PPWD1: variants seen among roughly 807,000 people sequenced by gnomAD.
PPWD1 encodes the protein peptidylprolyl isomerase domain and WD repeat containing 1.
PPWD1 carries 43 observed loss-of-function variants against 68.8 expected under a neutral mutation model. The ratio of observed to expected loss-of-function variants is 0.62; its 90% CI spans 0.49 to 0.81. The LOEUF (loss-of-function observed/expected upper bound fraction) is 0.81, where lower values mean the gene tolerates loss of function less well. Ranked by LOEUF, PPWD1 falls within the 30% of genes least tolerant of loss-of-function variation. The pLI is 0.00. For synonymous variants in PPWD1, 232 were observed against 258.7 expected (o/e 0.90, Z 0.99); for missense variants, 672 against 804.8 (o/e 0.83, Z 2.00).
chr5:65,573,521 T>TG (rs1426164597), intron 5 of PPWD1, among the ~76,000 whole-genome samples: 1 of 33,208 alleles, frequency 3.0e-5, no homozygotes, highest in African/African-American at 1.6e-4. Flanking sequence ...AGATGGTTTT[T>TG]TTTTTTTTTT....
intron 5 of PPWD1, among the ~76,000 whole-genome samples, chr5:65,574,762 C>T (rs528241205): frequency 1.3e-5 from 2 of 152,322 alleles, no homozygotes; most frequent in South Asian, 4.1e-4. Context: ...CGCGCCCGGC[C>T]GGCACAAATC....
At chr5:65,571,697 T>C (rs1483616452) in intron 4 of PPWD1, 142 bp from the exon 5 acceptor site, 1 of 1,356,054 alleles carries the variant, frequency 7.4e-7, no homozygotes, top group Non-Finnish European at 9.8e-7. Flanking sequence ...TTCCTCCCCA[T>C]TCTGTGTCTC....
chr5:65,565,603 A>C (rs1752712173), intron 1 of PPWD1, among the ~76,000 whole-genome samples: 1 of 151,966 alleles, frequency 6.6e-6, no homozygotes, highest in Non-Finnish European at 1.5e-5. Context: ...GGAGTTCTAG[A>C]CCAGCCTGAC....
At chr5:65,573,019 G>A (rs955210390) in intron 5 of PPWD1, among the ~76,000 whole-genome samples, 1 of 152,052 alleles carries the variant, frequency 6.6e-6, no homozygotes, top group African/African-American at 2.4e-5. Flanking sequence ...CTGTTCTTGG[G>A]ATCAAGACCA....
In PPWD1 at chr5:65,587,350, A is replaced by G; in HGVS notation, c.1895A>G (p.Asp632Gly). ...ISNVKVNPKT[D>G]KPYEDVSIIN... ...AACGTCAAAGTCAATCCCAAAACAGATAAGCCCTATGAGGATGTCAGCATC... is the reference window on the plus strand; with the variant it reads ...AACGTCAAAGTCAATCCCAAAACAGGTAAGCCCTATGAGGATGTCAGCATC... Residue 632 changes from aspartate (D) to glycine (G), a missense_variant, in exon 11 of 11, where the codon GAT (aspartate) becomes GGT (glycine). By Grantham distance (94) the Asp-to-Gly change is moderately conservative (BLOSUM62 -1). Around this residue, in one of 2 missense-constraint regions of PPWD1, gnomAD observed 484 missense variants for 646.2 expected, o/e 0.75. Transcript: ENST00000261308. 10 of 1,612,758 alleles carry G rather than the reference A, an allele frequency of 6.2e-6. No individual in the cohort carries two copies. Among genetic ancestry groups the G allele is most frequent in the Non-Finnish European group, 8.5e-6 (10 of 1,179,088 alleles).
intron 5 of PPWD1, among the ~76,000 whole-genome samples, chr5:65,575,286 C>T (rs1166807312): frequency 3.9e-5 from 6 of 152,184 alleles, no homozygotes; most frequent in Non-Finnish European, 8.8e-5. Flanking sequence ...GATCATTAGC[C>T]CTTCCCTGCA....
rs1043952184 is a variant in PPWD1 at position 65,579,673 on chromosome 5, CTTTG to C, written c.1350+66_1350+69del. On this transcript the variant is annotated intron_variant, in intron 7 of 10. Coordinates refer to ENST00000261308, the MANE Select transcript of PPWD1 (RefSeq NM_015342.4). ...TTCCTTCCAGTTTGGTTTGACTTTT[CTTTG>C]TTTGTACCTTCAACTGAAGAGAATG... 1.1e-5 allele frequency: 14 copies of C among 1,258,758 alleles called. No homozygotes were observed. The South Asian group carries it at 2.2e-4, about 20-fold the overall frequency. The allele number at this position is 1,258,758 out of a possible 1,614,324, so 78.0% of individuals were successfully genotyped here. A position where few individuals can be genotyped will look rare whatever the true frequency, so the allele number is the denominator to read the frequency against.
intron 2 of PPWD1, 27 bp downstream of exon 2, chr5:65,567,642 T>A: frequency 6.6e-7 from 1 of 1,525,442 alleles, no homozygotes; most frequent in Non-Finnish European, 8.8e-7. Flanking sequence ...TTTTTTACTT[T>A]GTTCTGAGTT....
chr5:65,563,844 G>A, intron 1 of PPWD1: 2 of 1,489,176 alleles, frequency 1.3e-6, no homozygotes, highest in Non-Finnish European at 1.8e-6. Flanking sequence ...ATTTAGGTAT[G>A]CAAAAGGGTA....
chr5:65,586,297 C>A, intron 10 of PPWD1, 116 bp downstream of exon 10: 1 of 1,007,592 alleles, frequency 9.9e-7, no homozygotes, highest in Non-Finnish European at 1.4e-6. Context: ...TATCATCTAG[C>A]AGAATACAAA....
At chr5:65,572,458 C>T (rs1753060947) in intron 5 of PPWD1, among the ~76,000 whole-genome samples, 172 bp downstream of exon 5, 1 of 152,074 alleles carries the variant, frequency 6.6e-6, no homozygotes, top group Non-Finnish European at 1.5e-5. Flanking sequence ...CTTTGAAAGT[C>T]TCTTCTCTAG....
chr5:65,582,050 T>A lies in PPWD1; in HGVS notation c.1351-988T>A, dbSNP rs1753620601. Among the ~76,000 whole-genome samples, 3 of 152,160 alleles carry A rather than the reference T, an allele frequency of 2.0e-5. 1 individual carries two copies. The South Asian group carries it at 6.2e-4, about 31-fold the overall frequency. ...AACAAATAGTACAACAGACATGCCA[T>A]TCCTTTGAAAACTGGAGAATAGGAT... On this transcript the variant is annotated intron_variant, in intron 7 of 10. Coordinates refer to ENST00000261308, the MANE Select transcript of PPWD1 (RefSeq NM_015342.4).
chr5:65,568,904 T>C (rs370159993), intron 2 of PPWD1: 39 of 455,750 alleles, frequency 8.6e-5, no homozygotes, highest in East Asian at 5.6e-4. Flanking sequence ...TTTGTTTTGT[T>C]TTTTTAACCC....
chr5:65,585,355 G>A (rs1753790972), intron 9 of PPWD1, among the ~76,000 whole-genome samples: 1 of 152,134 alleles, frequency 6.6e-6, no homozygotes, highest in East Asian at 1.9e-4. Flanking sequence ...TGAATAAAGG[G>A]TCATGCTGAG....
At position 65,577,082 on chromosome 5, in the gene PPWD1, A is replaced by G; in HGVS notation, c.1160+13A>G. Reference sequence around the variant, plus strand: ...TAGAGACAAACCGGTAAGCTTTAATATGAGGTATGTTTTTTAAAAATGTGT... The same window carrying G: ...TAGAGACAAACCGGTAAGCTTTAATGTGAGGTATGTTTTTTAAAAATGTGT... On this transcript the variant is annotated intron_variant, in intron 6 of 10. Coordinates refer to ENST00000261308, the MANE Select transcript of PPWD1 (RefSeq NM_015342.4). The G allele has an allele frequency of 6.2e-7, 1 of 1,602,936 alleles. No homozygotes were observed. Among genetic ancestry groups the G allele is most frequent in the Non-Finnish European group, 8.5e-7 (1 of 1,172,230 alleles).
intron 1 of PPWD1, among the ~76,000 whole-genome samples, chr5:65,566,053 T>C (rs1752741788): frequency 6.6e-6 from 1 of 152,190 alleles, no homozygotes. Flanking sequence ...AGGAACTGTG[T>C]TTTACTCTTC....
At chr5:65,578,711 TATATGTATATAC>T (rs934573530) in intron 6 of PPWD1, among the ~76,000 whole-genome samples, 1 of 139,174 alleles carries the variant, frequency 7.2e-6, no homozygotes, top group Non-Finnish European at 1.5e-5. Flanking sequence ...GTTCTTTATA[TATATGTATATAC>T]ATATATATAT....
rs1478597738 is a variant in PPWD1 at position 65,572,463 on chromosome 5, C to A, written c.969+177C>A. On this transcript the variant is annotated intron_variant, in intron 5 of 10. Transcript: ENST00000261308. ...TAGTGTTGCTCTTTGAAAGTCTCTT[C>A]TCTAGGGGTTTATGATGTGCGTTTT... Among the ~76,000 whole-genome samples, 3 of 152,102 alleles carry A rather than the reference C, an allele frequency of 2.0e-5. No individual in the cohort carries two copies. The East Asian group carries it at 5.8e-4, about 29-fold the overall frequency.
intron 4 of PPWD1, chr5:65,570,499 A>G (rs1270032601): frequency 3.8e-6 from 1 of 262,816 alleles, no homozygotes; most frequent in Admixed American, 6.5e-5. Context: ...CATAGAATTT[A>G]TACACATCTA....
Sources: gnomAD v4.1 joint callset for allele counts (sites outside exome capture counted in the v4.1 genomes callset) on GRCh38, gnomAD v4.1.1 for gene constraint, gnomAD v4.1.1 regional missense constraint, MANE v1.5 for transcripts, NCBI Gene and HGNC (gene_info 2026-07-23, HGNC 2026-07-21) for gene names.